PCDHAC1: variants seen among roughly 807,000 people sequenced by gnomAD.
PCDHAC1 encodes protocadherin alpha subfamily C, 1.
PCDHAC1 carries 42 observed loss-of-function variants against 60.0 expected under a neutral mutation model. The ratio of observed to expected loss-of-function variants is 0.70; its 90% CI spans 0.55 to 0.90. The LOEUF is 0.90. Ranked by LOEUF, PCDHAC1 falls within the 40% of genes least tolerant of loss-of-function variation. PCDHAC1 has a pLI of 0.00. For synonymous variants in PCDHAC1, 468 were observed against 499.3 expected, an observed-to-expected ratio of 0.94 and a Z score of 0.84; for missense variants, 1,160 against 1,222.3, an observed-to-expected ratio of 0.95 and a Z score of 0.76.
At chr5:140,946,660 A>T (rs2094005518) in intron 1 of PCDHAC1, among the ~76,000 whole-genome samples, 1 of 146,900 alleles carries the variant, frequency 6.8e-6, no homozygotes, top group African/African-American at 2.6e-5. Context: ...GCCATTAGAA[A>T]GAATGAAATC....
intron 1 of PCDHAC1, among the ~76,000 whole-genome samples, chr5:140,955,017 T>G (rs1157818120): frequency 6.6e-6 from 1 of 152,186 alleles, no homozygotes. Context: ...CCAGCACCAT[T>G]TATTAAATAG....
rs1554205429 is a variant in PCDHAC1, at chr5:140,928,068, C to T, written c.1176C>T (p.Asp392=). ...AGPFQLTASF[D]NYYSLLIDGP... is the part of the protein sequence containing the mutation. ...CTTTTCAGCTGACGGCTTCCTTTGA[C>T]AACTACTACAGCCTGCTGATTGATG... The change falls in exon 1 of 4, where the codon GAC becomes GAT. Residue 392 remains aspartate, a synonymous_variant. Coordinates refer to ENST00000253807, the MANE Select transcript of PCDHAC1 (RefSeq NM_018898.5). 2 of 1,614,214 alleles carry T rather than the reference C, an allele frequency of 1.2e-6. No homozygotes were observed. Among genetic ancestry groups the T allele is most frequent in the Non-Finnish European group, 1.7e-6 (2 of 1,180,046 alleles).
Position 140,979,705 on chromosome 5 carries a change from G to A in PCDHAC1, c.2492+698G>A, listed in dbSNP as rs138804576. Among the ~76,000 whole-genome samples, 597 of 152,336 alleles carry A rather than the reference G, an allele frequency of 3.9e-3. 4 individuals carry two copies. The highest frequency in any genetic ancestry group is 0.014 in the African/African-American group (562 of 41,570). On this transcript the variant is annotated intron_variant, in intron 2 of 3. Coordinates refer to ENST00000253807, the MANE Select transcript of PCDHAC1 (RefSeq NM_018898.5). ...ATTAACTACCATTATTTCTGGAGGT[G>A]ATCCAGTATCCATGCCATGGGGCCA... is the stretch of plus-strand genomic sequence containing the variant.
At chr5:140,957,252 A>C (rs557518275) in intron 1 of PCDHAC1, among the ~76,000 whole-genome samples, 80 of 152,330 alleles carry the variant, frequency 5.3e-4, no homozygotes, top group African/African-American at 1.9e-3. Context: ...CCTAAAATTT[A>C]AATATGTAAG....
chr5:140,989,139 C>G (rs1308771993), intron 3 of PCDHAC1, among the ~76,000 whole-genome samples: 1 of 152,136 alleles, frequency 6.6e-6, no homozygotes, highest in African/African-American at 2.4e-5. Context: ...ACACTTTATC[C>G]CTTCTTTTGT....
intron 1 of PCDHAC1, among the ~76,000 whole-genome samples, chr5:140,957,575 T>C (rs1437290620): frequency 6.6e-6 from 1 of 152,152 alleles, no homozygotes; most frequent in African/African-American, 2.4e-5. Flanking sequence ...ACTACTGTAC[T>C]TTTAACAAAG....
At chr5:140,971,977 G>A (rs891260348) in intron 1 of PCDHAC1, among the ~76,000 whole-genome samples, 1 of 152,022 alleles carries the variant, frequency 6.6e-6, no homozygotes, top group Non-Finnish European at 1.5e-5. Context: ...AATACTATGA[G>A]TAGACAGAAG....
chr5:141,008,430 GC>G (rs1252417058), intron 3 of PCDHAC1, among the ~76,000 whole-genome samples: 2 of 152,260 alleles, frequency 1.3e-5, no homozygotes, highest in African/African-American at 4.8e-5. Context: ...GGATCACTTT[GC>G]CCAGACAGAC....
Position 140,974,355 on chromosome 5 carries a change from C to T in PCDHAC1, c.2434-4594C>T, listed in dbSNP as rs113314336. Among the ~76,000 whole-genome samples the T allele has an allele frequency of 6.8e-3, 1,038 of 152,272 alleles. 15 individuals are homozygous for T. The highest frequency in any genetic ancestry group is 0.024 in the African/African-American group (1,003 of 41,550). ...AGCAGGCTATGCATCCAGAACTAAA[C>T]AGACCTAGCACTTTCTGTTGTACTG... is the stretch of plus-strand genomic sequence containing the variant. On this transcript the variant is annotated intron_variant, in intron 1 of 3. Transcript: ENST00000253807.
chr5:140,981,603 C>T (rs1213864255), intron 2 of PCDHAC1, among the ~76,000 whole-genome samples: 4 of 152,052 alleles, frequency 2.6e-5, no homozygotes, highest in Non-Finnish European at 5.9e-5. Context: ...CAAAATGTTC[C>T]TCTAATTTTG....
intron 3 of PCDHAC1, among the ~76,000 whole-genome samples, chr5:140,983,792 ATG>A (rs1384223147): frequency 6.6e-6 from 1 of 152,212 alleles, no homozygotes; most frequent in Non-Finnish European, 1.5e-5. Context: ...AGATGACAGA[ATG>A]TGTGTGTAAA....
At chr5:140,966,666 C>T (rs2153748360) in intron 1 of PCDHAC1, 7 of 1,259,308 alleles carry the variant, frequency 5.6e-6, no homozygotes, top group Non-Finnish European at 7.2e-6. Context: ...GGGGAGCAGG[C>T]GCAGGGTGGC....
At chr5:140,983,585 A>G (rs561693645) in intron 3 of PCDHAC1, among the ~76,000 whole-genome samples, 18 of 152,338 alleles carry the variant, frequency 1.2e-4, no homozygotes, top group Non-Finnish European at 2.1e-4. Flanking sequence ...TATTACATCT[A>G]TTCTACATAT....
At chr5:140,987,149 G>C (rs1380803903) in intron 3 of PCDHAC1, among the ~76,000 whole-genome samples, 2 of 151,884 alleles carry the variant, frequency 1.3e-5, no homozygotes, top group African/African-American at 4.8e-5. Flanking sequence ...GGGAGGTGGA[G>C]GTTGCAGTGA....
intron 3 of PCDHAC1, among the ~76,000 whole-genome samples, chr5:141,004,792 C>G (rs2098181519): frequency 6.6e-6 from 1 of 152,170 alleles, no homozygotes; most frequent in African/African-American, 2.4e-5. Flanking sequence ...CAGGCAGATT[C>G]TGGCTGAGCT....
rs1554239929 is a variant in PCDHAC1 at position 140,978,939 on chromosome 5, G to A, written c.2434-10G>A. 1 of 1,613,986 alleles carries A rather than the reference G, an allele frequency of 6.2e-7. No individual in the cohort carries two copies. The highest frequency in any genetic ancestry group is 1.3e-5 in the African/African-American group (1 of 74,908). On this transcript the variant is annotated splice_polypyrimidine_tract_variant and intron_variant, in intron 1 of 3. Transcript: ENST00000253807. ...CATTTTAACAGAAAACTCTCTTTGTGATTTTGCAGCCACGACAGCCCAACC... is the reference window on the plus strand; with the variant it reads ...CATTTTAACAGAAAACTCTCTTTGTAATTTTGCAGCCACGACAGCCCAACC...
chr5:140,937,343 A>G (rs1412775724), intron 1 of PCDHAC1, among the ~76,000 whole-genome samples: 1 of 151,948 alleles, frequency 6.6e-6, no homozygotes, highest in Non-Finnish European at 1.5e-5. Context: ...GGCTTCTTCC[A>G]TTTATTTTAT....
rs1554206937 is a variant in PCDHAC1, at chr5:140,929,298, A to G, written c.2406A>G (p.Lys802=). ...PISCIQIRNR[K]GDHANVNAMP... is the part of the protein sequence containing the mutation. ...CCTGTATTCAGATTCGGAATAGGAA[A>G]GGGGATCACGCTAATGTCAATGCCA... Residue 802 remains lysine (K), a synonymous_variant, in exon 1 of 4, where the codon AAA becomes AAG. Transcript: ENST00000253807. 26 of 1,591,722 alleles carry G rather than the reference A, an allele frequency of 1.6e-5. No homozygotes were observed. The highest frequency in any genetic ancestry group is 2.1e-5 in the Non-Finnish European group (25 of 1,165,374).
At chr5:140,942,543 G>C (rs1272048967) in intron 1 of PCDHAC1, among the ~76,000 whole-genome samples, 1 of 152,056 alleles carries the variant, frequency 6.6e-6, no homozygotes, top group Non-Finnish European at 1.5e-5. Flanking sequence ...GTATGGTGGG[G>C]GGTAGGGGGT....
Sources: gnomAD v4.1 joint callset for allele counts (sites outside exome capture counted in the v4.1 genomes callset) on GRCh38, gnomAD v4.1.1 for gene constraint, MANE v1.5 for transcripts, NCBI Gene and HGNC (gene_info 2026-07-23, HGNC 2026-07-21) for gene names.